Variants in ESR2 observed in about 807,000 individuals in gnomAD.
The protein encoded by ESR2 is estrogen receptor beta.
In ESR2, 36 loss-of-function variants were observed where a neutral mutation model predicts 49.6. The ratio of observed to expected loss-of-function variants is 0.73; its 90% CI spans 0.56 to 0.96. The LOEUF is 0.96. Among genes scored for constraint, ESR2 ranks in the 40% least tolerant of loss-of-function variants. The pLI is 0.00. For missense variants in ESR2, 714 were observed against 693.0 expected (o/e 1.03, Z -0.34); for synonymous variants, 320 against 266.1 (o/e 1.20, Z -1.97).
intron 4 of ESR2, 88 bp from the exon 5 acceptor site, chr14:64,260,836 G>A: frequency 8.1e-7 from 1 of 1,236,016 alleles, no homozygotes; most frequent in Non-Finnish European, 1.1e-6. Flanking sequence ...TGGAGCCTGT[G>A]GGGCACGTAC....
intron 1 of ESR2, among the ~76,000 whole-genome samples, chr14:64,284,792 T>C (rs1386221193): frequency 6.6e-6 from 1 of 152,034 alleles, no homozygotes; most frequent in Non-Finnish European, 1.5e-5. Flanking sequence ...TTTTTCCCAA[T>C]GCCTTTTTTC....
intron 1 of ESR2, among the ~76,000 whole-genome samples, chr14:64,314,877 CAAAAAAAA>C (rs1179436563): frequency 2.0e-4 from 4 of 20,488 alleles, no homozygotes; most frequent in African/African-American, 2.8e-4. Flanking sequence ...GACTCCGTCT[CAAAAAAAA>C]AAAAAAAAAA....
intron 4 of ESR2, among the ~76,000 whole-genome samples, chr14:64,263,648 G>GA (rs1249556284): frequency 1.3e-5 from 2 of 151,430 alleles, no homozygotes; most frequent in East Asian, 3.9e-4. Flanking sequence ...GACTTGGGTT[G>GA]AAAAAATAAA....
At chr14:64,296,186 G>A (rs929989087), upstream of ESR2, among the ~76,000 whole-genome samples, 1 of 152,020 alleles carries the variant, frequency 6.6e-6, no homozygotes, top group Non-Finnish European at 1.5e-5. Context: ...TGAAGAAAAT[G>A]CATCTATCAA....
chr14:64,257,154 G>A (rs2076117177), intron 6 of ESR2, 72 bp downstream of exon 6: 2 of 1,419,544 alleles, frequency 1.4e-6, no homozygotes, highest in Admixed American at 3.4e-5. Context: ...GCAGCACCCA[G>A]GACTTTGTTC....
Position 64,268,780 on chromosome 14 carries a change from GA to G in ESR2, c.652+14del. The G allele has an allele frequency of 6.7e-7, 1 of 1,499,514 alleles. No homozygotes were observed. The highest frequency in any genetic ancestry group is 9.3e-7 in the Non-Finnish European group (1 of 1,076,774). 92.9% of individuals were successfully genotyped at this position (1,499,514 alleles called of 1,614,324 possible). A position where few individuals can be genotyped will look rare whatever the true frequency, so the allele number is the denominator to read the frequency against. ...GCAAGGCCCATATTCAATAAGAAGG[GA>G]AGCAAGCACTCACCACACTTCACCA... On this transcript the variant is annotated intron_variant, in intron 4 of 8. Coordinates refer to ENST00000341099, the MANE Select transcript of ESR2 (RefSeq NM_001437.3).
chr14:64,237,706 G>A (rs775882801), intron 7 of ESR2, among the ~76,000 whole-genome samples: 2 of 152,220 alleles, frequency 1.3e-5, no homozygotes, highest in Non-Finnish European at 2.9e-5. Flanking sequence ...ATTCAGCTAC[G>A]AAAAGGAATG....
chr14:64,292,390 G>T (rs141866969), intron 1 of ESR2, among the ~76,000 whole-genome samples: 5 of 152,250 alleles, frequency 3.3e-5, no homozygotes, highest in African/African-American at 1.2e-4. Flanking sequence ...TGTGTGCGGT[G>T]CTGGTTACAT....
At chr14:64,308,468 T>C (rs1206120971) in intron 1 of ESR2, among the ~76,000 whole-genome samples, 4 of 152,188 alleles carry the variant, frequency 2.6e-5, no homozygotes, top group Admixed American at 2.6e-4. Context: ...TATAGAAGTT[T>C]TATTTTCCAA....
intron 3 of ESR2, among the ~76,000 whole-genome samples, chr14:64,272,821 T>A (rs2076477761): frequency 1.3e-5 from 2 of 152,180 alleles, no homozygotes; most frequent in Non-Finnish European, 2.9e-5. Flanking sequence ...AGTTTTGATA[T>A]TTTTGCTCAG....
At chr14:64,228,162 T>C, downstream of ESR2, 1 of 860,356 alleles carries the variant, frequency 1.2e-6, no homozygotes, top group Non-Finnish European at 1.6e-6. Flanking sequence ...TACTCAAGCA[T>C]TTGTGTTCAG....
At chr14:64,269,341 A>G (rs1226046549) in intron 3 of ESR2, among the ~76,000 whole-genome samples, 1 of 152,212 alleles carries the variant, frequency 6.6e-6, no homozygotes. Context: ...TTCATAGTCA[A>G]ATAAAATAAC....
chr14:64,239,705 G>A (rs543413659), intron 7 of ESR2, among the ~76,000 whole-genome samples: 11 of 152,132 alleles, frequency 7.2e-5, no homozygotes, highest in Non-Finnish European at 1.3e-4. Context: ...AACAAGCATT[G>A]TAACAGGTTG....
At chr14:64,235,268 G>C in intron 7 of ESR2, 118 bp from the exon 8 acceptor site, 1 of 1,024,660 alleles carries the variant, frequency 9.8e-7, no homozygotes, top group South Asian at 1.6e-5. Context: ...AGCTGCATGT[G>C]TGGCAGGAGC....
rs892311182 is a variant in ESR2, at chr14:64,268,886, A to C, written c.561T>G (p.Ala187=). The C allele has an allele frequency of 4.3e-6, 7 of 1,610,854 alleles. No individual in the cohort carries two copies. The highest frequency in any genetic ancestry group is 5.9e-6 in the Non-Finnish European group (7 of 1,177,044). Residue 187 remains alanine (A), a synonymous_variant, in exon 4 of 9, where the codon GCT becomes GCG. Coordinates refer to ENST00000341099, the MANE Select transcript of ESR2 (RefSeq NM_001437.3). The stretch of plus-strand genomic sequence containing the variant: ...TTTTATCGATTGTACACTGATTTGT[A>C]GCTGGACAAATATAATCATTATGTC... ...IQGHNDYICP[A]TNQCTIDKNR...
rs201581460 is a variant in ESR2, at chr14:64,236,423, A to ACC, written c.1226-1275_1226-1274dup. On this transcript the variant is annotated intron_variant, in intron 7 of 8. Coordinates refer to ENST00000341099, the MANE Select transcript of ESR2 (RefSeq NM_001437.3). ...GCCCTCCCACCGCAGGGGAAACAAG[A>ACC]CCCCACCCTTGGCCCCGTGTGTCCC... 5.7e-3 allele frequency among the ~76,000 whole-genome samples: 866 copies of ACC among 151,952 alleles called. 11 individuals are homozygous for ACC. The highest frequency in any genetic ancestry group is 0.02 in the African/African-American group (839 of 41,404).
chr14:64,335,206 G>A (rs1446428497), intron 1 of ESR2, among the ~76,000 whole-genome samples: 3 of 152,156 alleles, frequency 2.0e-5, no homozygotes, highest in Non-Finnish European at 4.4e-5. Context: ...GCACACAAAG[G>A]AGTAACTTTT....
intron 1 of ESR2, among the ~76,000 whole-genome samples, chr14:64,321,310 CAAA>C (rs142120594): frequency 1.7e-5 from 2 of 114,568 alleles, no homozygotes; most frequent in Admixed American, 8.9e-5. Context: ...TGTCTAGAAG[CAAA>C]AAAAAAAAAA....
chr14:64,243,569 A>G (rs1213671910), intron 7 of ESR2, among the ~76,000 whole-genome samples: 1 of 152,210 alleles, frequency 6.6e-6, no homozygotes, highest in African/African-American at 2.4e-5. Context: ...ATGCAGTTAA[A>G]TCACTTAGCA....
Sources: allele counts gnomAD v4.1 joint callset (sites outside exome capture counted in the v4.1 genomes callset), GRCh38; gene constraint gnomAD v4.1.1; transcripts MANE v1.5; gene names NCBI Gene and HGNC (gene_info 2026-07-23, HGNC 2026-07-21).